Variants in AVEN observed in about 807,000 individuals in gnomAD.
AVEN encodes the protein apoptosis and caspase activation inhibitor.
AVEN carries 41 observed loss-of-function variants against 38.1 expected under a neutral mutation model. The observed-to-expected ratio is 1.08, with a 90% confidence interval of 0.84 to 1.40. The LOEUF (loss-of-function observed/expected upper bound fraction) is 1.40. AVEN is among the 40% of genes most tolerant of loss of function. AVEN has a pLI of 0.00. For missense variants in AVEN, 605 were observed against 438.8 expected (o/e 1.38, Z -3.38); for synonymous variants, 206 against 171.8 (o/e 1.20, Z -1.56).
chr15:34,056,097 T>A (rs1011089246), intron 5 of AVEN, among the ~76,000 whole-genome samples: 5 of 152,198 alleles, frequency 3.3e-5, no homozygotes, highest in Admixed American at 3.3e-4. Context: ...TTCACTACAC[T>A]AACTTCCAAA....
chr15:34,053,591 T>C (rs1900024979), intron 5 of AVEN, among the ~76,000 whole-genome samples: 1 of 151,964 alleles, frequency 6.6e-6, no homozygotes, highest in Non-Finnish European at 1.5e-5. Context: ...GGATTCCCTA[T>C]TTCATAAATG....
chr15:33,922,809 G>C (rs190470384), intron 2 of AVEN, among the ~76,000 whole-genome samples: 88 of 152,266 alleles, frequency 5.8e-4, no homozygotes, highest in African/African-American at 2.0e-3. Context: ...CATGAAATAT[G>C]CTTTCTGCTT....
At chr15:33,892,714 G>T (rs1892039742) in intron 2 of AVEN, among the ~76,000 whole-genome samples, 1 of 139,212 alleles carries the variant, frequency 7.2e-6, no homozygotes, top group African/African-American at 2.7e-5. Context: ...CTCTTTTTTG[G>T]TTCCATATGA....
chr15:34,067,903 T>C (rs1900549508), intron 2 of AVEN, among the ~76,000 whole-genome samples: 1 of 152,150 alleles, frequency 6.6e-6, no homozygotes. Flanking sequence ...ATGTAAACTC[T>C]TGCCCAATAA....
Position 34,048,705 on chromosome 15 carries a change from C to G in AVEN, n.1637+14217G>C, listed in dbSNP as rs558726535. ...CACACCTGCTCTACCAAAAAGCAGC[C>G]AGACTGCTTCTTTAAGTGGGTCCCT... On this transcript the variant is annotated intron_variant and non_coding_transcript_variant, in intron 5 of 11. Coordinates refer to the AVEN transcript ENST00000675287. Among the ~76,000 whole-genome samples, 4 of 152,340 alleles carry G rather than the reference C, an allele frequency of 2.6e-5. No individual in the cohort carries two copies. The South Asian group carries it at 8.3e-4, about 32-fold the overall frequency.
chr15:33,907,654 T>C (rs1394090344), intron 2 of AVEN, among the ~76,000 whole-genome samples: 2 of 152,126 alleles, frequency 1.3e-5, no homozygotes, highest in Non-Finnish European at 2.9e-5. Flanking sequence ...TTCTGACAAC[T>C]GTAGACAAGT....
chr15:33,857,730 A>C, downstream of AVEN: 3 of 1,608,862 alleles, frequency 1.9e-6, no homozygotes, highest in Non-Finnish European at 2.5e-6. Flanking sequence ...GAACCTTTCA[A>C]GGTAGAGAAG....
At chr15:33,910,736 C>G (rs903781482) in intron 2 of AVEN, among the ~76,000 whole-genome samples, 3 of 152,130 alleles carry the variant, frequency 2.0e-5, no homozygotes, top group African/African-American at 7.2e-5. Context: ...GATGGGCCAA[C>G]GGACACTCTG....
chr15:33,989,497 C>G (rs1896626178), intron 2 of AVEN, among the ~76,000 whole-genome samples: 1 of 151,320 alleles, frequency 6.6e-6, no homozygotes, highest in African/African-American at 2.4e-5. Context: ...AAACTAAGAT[C>G]CCCTGACGCC....
chr15:33,927,437 C>T (rs1893664350), intron 2 of AVEN, among the ~76,000 whole-genome samples: 1 of 152,078 alleles, frequency 6.6e-6, no homozygotes, highest in African/African-American at 2.4e-5. Flanking sequence ...TAATTCATCT[C>T]AATGATTCTC....
At chr15:33,987,335 T>C (rs1434512845) in intron 2 of AVEN, among the ~76,000 whole-genome samples, 1 of 152,230 alleles carries the variant, frequency 6.6e-6, no homozygotes, top group Non-Finnish European at 1.5e-5. Flanking sequence ...TCATTTATTA[T>C]GCTGGCTTGC....
chr15:34,036,413 T>G (rs931493733), intron 1 of AVEN, among the ~76,000 whole-genome samples: 1 of 152,206 alleles, frequency 6.6e-6, no homozygotes, highest in Non-Finnish European at 1.5e-5. Context: ...GGTCTTTACA[T>G]GGCTAGGAGT....
intron 3 of AVEN, among the ~76,000 whole-genome samples, chr15:33,872,712 T>C (rs180756146): frequency 1.3e-4 from 20 of 152,296 alleles, no homozygotes; most frequent in Non-Finnish European, 2.8e-4. Flanking sequence ...AACAGAAATT[T>C]AATGTGGAAT....
chr15:34,008,894 T>G (rs566689775), intron 1 of AVEN, among the ~76,000 whole-genome samples: 74 of 151,490 alleles, frequency 4.9e-4, no homozygotes, highest in African/African-American at 1.7e-3. Flanking sequence ...ACAAGGATTC[T>G]GCAGACCCAC....
chr15:33,974,988 C>A (rs553598), intron 2 of AVEN, among the ~76,000 whole-genome samples: 129,453 of 152,154 alleles, frequency 0.85, 57,855 homozygotes, highest in Non-Finnish European at 0.98. Flanking sequence ...AAAAAAAGAA[C>A]AACAGATTTT....
chr15:34,003,350 A>C (rs1371629016), intron 1 of AVEN, 141 bp from the exon 2 acceptor site: 1 of 732,142 alleles, frequency 1.4e-6, no homozygotes, highest in Non-Finnish European at 2.2e-6. Context: ...ATATTATTTT[A>C]AGAGAATCAC....
chr15:33,998,977 C>T (rs1897040669), intron 2 of AVEN, among the ~76,000 whole-genome samples: 1 of 152,308 alleles, frequency 6.6e-6, no homozygotes, highest in African/African-American at 2.4e-5. Flanking sequence ...GGATCCTGAA[C>T]CCCACATTCC....
chr15:34,032,017 G>GCACATGCA lies in AVEN; in HGVS notation c.267+6762_267+6763insTGCATGTG, dbSNP rs1444195258. Among the ~76,000 whole-genome samples, 7 of 84,966 alleles carry GCACATGCA rather than the reference G, an allele frequency of 8.2e-5. No homozygotes were observed. In the East Asian group the frequency reaches 2.3e-3, roughly 28 times the overall value. 55.7% of individuals were successfully genotyped at this position (84,966 alleles called of 152,430 possible). ...GGCACCTCAACACACACATACGCGC[G>GCACATGCA]CACACGCACACACACACACACACAG... is the stretch of plus-strand genomic sequence containing the variant. On this transcript the variant is annotated intron_variant, in intron 1 of 5. Coordinates refer to ENST00000306730, the MANE Select transcript of AVEN (RefSeq NM_020371.3).
intron 2 of AVEN, among the ~76,000 whole-genome samples, chr15:33,942,321 T>C (rs997318613): frequency 6.6e-6 from 1 of 152,214 alleles, no homozygotes; most frequent in Non-Finnish European, 1.5e-5. Context: ...ATTCAAAATG[T>C]ATCACTTTCA....
Sources: gnomAD v4.1 joint callset for allele counts (sites outside exome capture counted in the v4.1 genomes callset) on GRCh38, gnomAD v4.1.1 for gene constraint, MANE v1.5 for transcripts, NCBI Gene and HGNC (gene_info 2026-07-23, HGNC 2026-07-21) for gene names.